KIF15: variants seen among roughly 807,000 people sequenced by gnomAD.
KIF15 encodes the protein kinesin-like protein KIF15.
KIF15 carries 140 observed loss-of-function variants against 190.6 expected under a neutral mutation model. The observed-to-expected ratio is 0.73, with a 90% CI of 0.64 to 0.84. KIF15 has a LOEUF of 0.84. Among genes scored for constraint, KIF15 ranks in the 40% least tolerant of loss-of-function variants. The pLI is 0.00. For missense variants in KIF15, 1,372 were observed against 1,584.4 expected (o/e 0.87, Z 2.28); for synonymous variants, 528 against 551.3 (o/e 0.96, Z 0.59).
At chr3:44,765,200 T>C (rs944772027) in intron 1 of KIF15, among the ~76,000 whole-genome samples, 7 of 152,366 alleles carry the variant, frequency 4.6e-5, no homozygotes, top group Admixed American at 3.9e-4. Context: ...TCTTTTTTTA[T>C]CAAGTAAACA....
chr3:44,813,520 C>T (rs758324416), intron 19 of KIF15, among the ~76,000 whole-genome samples: 4 of 151,976 alleles, frequency 2.6e-5, no homozygotes, highest in African/African-American at 9.7e-5. Flanking sequence ...CGAGTTCAAG[C>T]GATTCCCCAC....
chr3:44,798,484 G>A (rs1707103652), intron 10 of KIF15, among the ~76,000 whole-genome samples: 2 of 151,860 alleles, frequency 1.3e-5, no homozygotes, highest in African/African-American at 4.8e-5. Flanking sequence ...CTAATTTTTT[G>A]TATTTTTTAG....
chr3:44,827,163 G>T (rs769425532), intron 22 of KIF15: 1 of 389,520 alleles, frequency 2.6e-6, no homozygotes, highest in Non-Finnish European at 5.0e-6. Context: ...CCCTGTCCTC[G>T]TGGATTTTAA....
chr3:44,764,983 C>T (rs1705319084), intron 1 of KIF15, among the ~76,000 whole-genome samples: 2 of 152,134 alleles, frequency 1.3e-5, no homozygotes, highest in South Asian at 4.1e-4. Context: ...ACATGATAAA[C>T]TTTTATACTC....
intron 20 of KIF15, among the ~76,000 whole-genome samples, chr3:44,821,391 C>G (rs954494447): frequency 7.4e-6 from 1 of 135,328 alleles, no homozygotes; most frequent in Non-Finnish European, 1.6e-5. Context: ...GGCGGAGGGG[C>G]TCCTCACTTC....
At chr3:44,777,218 G>A (rs1396559136) in intron 3 of KIF15, among the ~76,000 whole-genome samples, 2 of 151,768 alleles carry the variant, frequency 1.3e-5, no homozygotes, top group Admixed American at 6.6e-5. Flanking sequence ...GGCTGGTCTC[G>A]AACTCCTGGC....
At chr3:44,822,552 C>A (rs1184200439) in intron 20 of KIF15, among the ~76,000 whole-genome samples, 1 of 152,156 alleles carries the variant, frequency 6.6e-6, no homozygotes, top group East Asian at 1.9e-4. Flanking sequence ...TGTTGGCCTG[C>A]CTTGCTAGGT....
chr3:44,809,457 T>C (rs186101554), intron 16 of KIF15, among the ~76,000 whole-genome samples: 5 of 152,290 alleles, frequency 3.3e-5, no homozygotes, highest in South Asian at 4.1e-4. Flanking sequence ...CTTTTATCTT[T>C]ATGACTTTTT....
chr3:44,812,360 A>C, intron 18 of KIF15, 71 bp downstream of exon 18: 6 of 1,065,054 alleles, frequency 5.6e-6, no homozygotes, highest in Middle Eastern at 2.0e-4. Flanking sequence ...AAACATCCTC[A>C]AGGATCCTCA....
rs1411384272 is a variant in KIF15, at chr3:44,805,013, TTTC to T, written c.1688-11_1688-9del. 6.3e-7 allele frequency: 1 copy of T among 1,587,866 alleles called. No individual in the cohort carries two copies. Among genetic ancestry groups the T allele is most frequent in the African/African-American group, 1.4e-5 (1 of 72,892 alleles). On this transcript the variant is annotated splice_polypyrimidine_tract_variant and intron_variant, in intron 14 of 34. Coordinates refer to ENST00000326047, the MANE Select transcript of KIF15 (RefSeq NM_020242.3). ...AAAAAAAAAAAAAGACTGAGATTGTTTTCTTATTAACAGATCAGCAAGGATTTT... is the reference window on the plus strand; with the variant it reads ...AAAAAAAAAAAAAGACTGAGATTGTTTTATTAACAGATCAGCAAGGATTTT...
chr3:44,850,564 A>G (rs1459105854), intron 32 of KIF15, among the ~76,000 whole-genome samples: 1 of 152,250 alleles, frequency 6.6e-6, no homozygotes, highest in Non-Finnish European at 1.5e-5. Flanking sequence ...ACACTTCAGC[A>G]AACGGCATGC....
At chr3:44,783,345 G>A (rs1309094467) in intron 5 of KIF15, among the ~76,000 whole-genome samples, 2 of 152,126 alleles carry the variant, frequency 1.3e-5, no homozygotes, top group East Asian at 3.9e-4. Flanking sequence ...ATTACATGGT[G>A]AGAGAGGAAA....
chr3:44,857,386 C>A (rs552366579), downstream of KIF15, among the ~76,000 whole-genome samples: 4 of 152,182 alleles, frequency 2.6e-5, no homozygotes, highest in African/African-American at 9.7e-5. Context: ...CAGCAGCAGC[C>A]GCTGCACGGA....
intron 29 of KIF15, among the ~76,000 whole-genome samples, chr3:44,841,933 G>T (rs904684689): frequency 2.0e-5 from 3 of 152,152 alleles, no homozygotes; most frequent in African/African-American, 7.2e-5. Context: ...TTACACAATG[G>T]TGTCATATAC....
In KIF15 at chr3:44,867,659, G is replaced by A. The variant is rs115571739; in HGVS notation, c.*60-5670G>A. 9.8e-3 allele frequency among the ~76,000 whole-genome samples: 1,495 copies of A among 152,316 alleles called. 21 individuals are homozygous for A. The highest frequency in any genetic ancestry group is 0.033 in the African/African-American group (1,369 of 41,554). On this transcript the variant is annotated intron_variant and NMD_transcript_variant, in intron 6 of 6. Coordinates refer to the KIF15 transcript ENST00000422209. The stretch of plus-strand genomic sequence containing the variant: ...AAATATGCCTGTATTTGTACAAGAT[G>A]TACAAGATGTATTTGTAGAAGACGT...
intron 6 of KIF15, among the ~76,000 whole-genome samples, chr3:44,859,881 A>G (rs1699221123): frequency 6.6e-6 from 1 of 152,222 alleles, no homozygotes; most frequent in South Asian, 2.1e-4. Flanking sequence ...TCTTCATCTT[A>G]GCAAGATCCC....
rs1707344233 is a variant in KIF15 at position 44,802,920 on chromosome 3, T to C, written c.1616T>C (p.Met539Thr). 4 of 1,612,200 alleles carry C rather than the reference T, an allele frequency of 2.5e-6. No homozygotes were observed. The highest frequency in any genetic ancestry group is 3.4e-6 in the Non-Finnish European group (4 of 1,179,638). ...LLEPVKRAQE[M>T]DAQTIAKLEK... ...GAGCCTGTGAAAAGAGCTCAAGAAA[T>C]GGATGCCCAGACCATTGCAAAACTA... Residue 539 changes from methionine to threonine, a missense_variant, in exon 14 of 35, where the codon ATG becomes ACG. By Grantham distance (81) the Met-to-Thr change is moderately conservative. Coordinates refer to ENST00000326047, the MANE Select transcript of KIF15 (RefSeq NM_020242.3).
At chr3:44,786,887 C>T (rs1706433557) in intron 7 of KIF15, among the ~76,000 whole-genome samples, 1 of 152,120 alleles carries the variant, frequency 6.6e-6, no homozygotes. Flanking sequence ...GAACTCTGGC[C>T]TTTAAACCAG....
chr3:44,830,188 G>A, intron 25 of KIF15, 113 bp downstream of exon 25: 1 of 472,558 alleles, frequency 2.1e-6, no homozygotes, highest in South Asian at 3.1e-5. Context: ...AAATAAGTTT[G>A]GAAATTCTAG....
Sources: gnomAD v4.1 joint callset for allele counts (sites outside exome capture counted in the v4.1 genomes callset) on GRCh38, gnomAD v4.1.1 for gene constraint, MANE v1.5 for transcripts, NCBI Gene and HGNC (gene_info 2026-07-23, HGNC 2026-07-21) for gene names.